TANC1: variants seen among roughly 807,000 people sequenced by gnomAD.
TANC1 encodes the protein tetratricopeptide repeat, ankyrin repeat and coiled-coil containing 1, also known as protein TANC1.
TANC1 carries 77 observed loss-of-function variants against 149.7 expected under a neutral mutation model. The observed-to-expected ratio is 0.51, with a 90% CI of 0.43 to 0.62. TANC1 has a LOEUF of 0.62. TANC1 is among the 20% of genes least tolerant of loss of function. The pLI is 0.00. For missense variants in TANC1, 1,985 were observed against 2,321.8 expected (o/e 0.85, Z 2.98); for synonymous variants, 854 against 925.0 (o/e 0.92, Z 1.39).
At chr2:158,989,438 C>G (rs1020135260) in intron 1 of TANC1, among the ~76,000 whole-genome samples, 9 of 151,232 alleles carry the variant, frequency 6.0e-5, no homozygotes, top group African/African-American at 1.7e-4. Flanking sequence ...GACCTCATCT[C>G]TACTAAAAGT....
intron 1 of TANC1, among the ~76,000 whole-genome samples, chr2:158,990,452 A>G (rs1163529834): frequency 6.6e-6 from 1 of 152,164 alleles, no homozygotes; most frequent in African/African-American, 2.4e-5. Context: ...ATTCATCCTG[A>G]GGAGGTTAAG....
chr2:158,985,320 G>T (rs971572796), intron 1 of TANC1, among the ~76,000 whole-genome samples: 1 of 152,190 alleles, frequency 6.6e-6, no homozygotes, highest in Admixed American at 6.5e-5. Flanking sequence ...TTGAACTTGG[G>T]TTTACTGTCC....
rs377422155 is a variant in TANC1, at chr2:159,230,666, C to T, written c.5240C>T (p.Pro1747Leu). Reference sequence around the variant, plus strand: ...CCTCCAAGCCGCAGCTGGCACTGTCCGGCACCAGAGGGGCTGCTGACAAAC... The same window carrying T: ...CCTCCAAGCCGCAGCTGGCACTGTCTGGCACCAGAGGGGCTGCTGACAAAC... ...SNPPSRSWHC[P>L]APEGLLTNTS... Residue 1747 changes from proline (P) to leucine (L), a missense_variant, in exon 27 of 27, where the codon CCG (proline) becomes CTG (leucine). Physicochemically the swap from Pro to Leu is moderately conservative, Grantham distance 98 (BLOSUM62 -3). This residue lies in a region of TANC1 where 920 missense variants were observed against 994.7 expected (regional missense o/e 0.92). Coordinates refer to ENST00000263635, the MANE Select transcript of TANC1 (RefSeq NM_033394.3). The surrounding 1 kb of genome is among the most constrained non-coding windows in gnomAD (Gnocchi z 4.4). 3.1e-5 allele frequency: 50 copies of T among 1,614,070 alleles called. 1 individual carries two copies. The Admixed American group carries it at 3.7e-4, about 12-fold the overall frequency.
intron 4 of TANC1, among the ~76,000 whole-genome samples, chr2:159,133,272 G>T (rs1574878602): frequency 6.6e-6 from 1 of 151,986 alleles, no homozygotes; most frequent in South Asian, 2.1e-4. Context: ...AAATATGTCA[G>T]CAGTTCATTT....
intron 4 of TANC1, among the ~76,000 whole-genome samples, chr2:159,108,490 G>T (rs932806134): frequency 6.6e-6 from 1 of 152,182 alleles, no homozygotes; most frequent in Non-Finnish European, 1.5e-5. Flanking sequence ...TCACCTCAGA[G>T]AAAATAGATG....
rs550705864 is a variant in TANC1 at position 159,217,551 on chromosome 2, G to T, written c.3299G>T (p.Gly1100Val). 2 of 1,614,258 alleles carry T rather than the reference G, an allele frequency of 1.2e-6. No homozygotes were observed. Among genetic ancestry groups the T allele is most frequent in the African/African-American group, 2.7e-5 (2 of 75,066 alleles). The change falls in exon 20 of 27, where the codon GGG (glycine) becomes GTG (valine). Residue 1100 changes from glycine (G) to valine (V), a missense_variant. Around this residue, in one of 3 missense-constraint regions of TANC1, gnomAD observed 920 missense variants for 994.7 expected, o/e 0.92. Coordinates refer to ENST00000263635, the MANE Select transcript of TANC1 (RefSeq NM_033394.3). ...CTGGAGGTCTGTGAGCTGCTGCTGGGGCATGGAGCTGCTGTGTCGCGGACA... is the reference window on the plus strand; with the variant it reads ...CTGGAGGTCTGTGAGCTGCTGCTGGTGCATGGAGCTGCTGTGTCGCGGACA... ...GKLEVCELLL[G>V]HGAAVSRTNR...
chr2:159,162,575 A>G (rs778652467), intron 7 of TANC1, among the ~76,000 whole-genome samples: 8 of 152,222 alleles, frequency 5.3e-5, no homozygotes, highest in Non-Finnish European at 1.0e-4. Flanking sequence ...AGATGTTTAC[A>G]AAAGGTTTTT....
At chr2:159,003,888 T>C (rs192636787) in intron 2 of TANC1, 1,904 of 1,612,694 alleles carry the variant, frequency 1.2e-3, no homozygotes, top group Admixed American at 2.6e-3. Context: ...CAGGTCCAGA[T>C]AGGGGGCAAG....
chr2:159,087,396 C>T (rs1192387022), intron 3 of TANC1, among the ~76,000 whole-genome samples: 1 of 149,054 alleles, frequency 6.7e-6, no homozygotes, highest in Admixed American at 6.7e-5. Context: ...TAGCCTGGTG[C>T]AGTTTTAGAA....
In TANC1 at chr2:159,037,359, A is replaced by G. The variant is rs199709108; in HGVS notation, c.-15-28537A>G. On this transcript the variant is annotated intron_variant, in intron 2 of 26. Transcript: ENST00000263635. The stretch of plus-strand genomic sequence containing the variant: ...TTCTTTTGCTGTGCAGAAGCTCTTT[A>G]GTTTAATTAGATCCCATTTGTCAAT... Among the ~76,000 whole-genome samples, 6 of 152,110 alleles carry G rather than the reference A, an allele frequency of 3.9e-5. No individual in the cohort carries two copies. The East Asian group carries it at 7.7e-4, about 20-fold the overall frequency.
At chr2:159,022,413 C>T (rs527958737) in intron 2 of TANC1, among the ~76,000 whole-genome samples, 6 of 152,090 alleles carry the variant, frequency 3.9e-5, no homozygotes, top group Admixed American at 3.3e-4. Flanking sequence ...ATGTTTGTTC[C>T]GGGGTTCTAT....
intron 4 of TANC1, among the ~76,000 whole-genome samples, chr2:159,118,555 A>G (rs2048532800): frequency 6.6e-6 from 1 of 152,204 alleles, no homozygotes; most frequent in Non-Finnish European, 1.5e-5. Context: ...TCTCAGGTGC[A>G]GTCAGAGTCT....
At chr2:159,137,471 C>G (rs2050881256) in intron 5 of TANC1, among the ~76,000 whole-genome samples, 1 of 152,118 alleles carries the variant, frequency 6.6e-6, no homozygotes, top group South Asian at 2.1e-4. Context: ...CACCCTTTTC[C>G]TTTCTGTCCA....
At chr2:159,043,998 A>T (rs1031765274) in intron 2 of TANC1, among the ~76,000 whole-genome samples, 7 of 152,138 alleles carry the variant, frequency 4.6e-5, no homozygotes, top group Non-Finnish European at 1.0e-4. Flanking sequence ...TGTCCTGTTA[A>T]CTTACTCTGA....
At chr2:159,173,236 A>G (rs1157240658) in intron 11 of TANC1, among the ~76,000 whole-genome samples, 1 of 152,224 alleles carries the variant, frequency 6.6e-6, no homozygotes, top group Non-Finnish European at 1.5e-5. Context: ...GCATTTTAGA[A>G]CTATGTTTAT....
chr2:159,229,784 A>G lies in TANC1; in HGVS notation c.4358A>G (p.His1453Arg). ...ACCCCAACCCCTGGCTTAAGTGACC[A>G]CTTTCACTCTGAGGAGACTGAAGAG... ...EDTPTPGLSD[H>R]FHSEETEEEE... The change falls in exon 27 of 27, where the codon CAC (histidine) becomes CGC (arginine). Residue 1453 changes from histidine to arginine, a missense_variant. Transcript: ENST00000263635. 1 of 1,613,750 alleles carries G rather than the reference A, an allele frequency of 6.2e-7. No individual in the cohort carries two copies.
At chr2:159,010,253 A>G (rs2037619737) in intron 2 of TANC1, among the ~76,000 whole-genome samples, 1 of 152,198 alleles carries the variant, frequency 6.6e-6, no homozygotes, top group Non-Finnish European at 1.5e-5. Context: ...AATTTTACAT[A>G]AAAAAGACTT....
At chr2:159,203,219 T>C (rs1448307189) in intron 19 of TANC1, among the ~76,000 whole-genome samples, 4 of 150,572 alleles carry the variant, frequency 2.7e-5, no homozygotes, top group Admixed American at 6.6e-5. Context: ...CTTTTTTTTT[T>C]TTTTTTGAGA....
intron 19 of TANC1, among the ~76,000 whole-genome samples, chr2:159,203,432 C>T (rs1210243759): frequency 6.6e-6 from 1 of 152,078 alleles, no homozygotes; most frequent in African/African-American, 2.4e-5. Context: ...GTCTCCATCT[C>T]CTGACCTCAT....
Sources: allele counts gnomAD v4.1 joint callset (sites outside exome capture counted in the v4.1 genomes callset), GRCh38; gene constraint gnomAD v4.1.1; regional missense constraint gnomAD v4.1.1; non-coding constraint Gnocchi (gnomAD v3.1); transcripts MANE v1.5; gene names NCBI Gene and HGNC (gene_info 2026-07-23, HGNC 2026-07-21).